Variants in AFF2 observed in about 807,000 individuals in gnomAD.
AFF2 encodes ALF transcription elongation factor 2.
A neutral mutation model predicts 76.9 loss-of-function variants in AFF2; 14 were observed. The observed-to-expected ratio is 0.18, with a 90% CI of 0.12 to 0.28. The LOEUF (loss-of-function observed/expected upper bound fraction) is 0.28, where lower values mean the gene tolerates loss of function less well. AFF2 is among the 10% of genes least tolerant of loss of function. AFF2 has a pLI of 1.00. For missense variants in AFF2, 868 were observed against 1,001.1 expected (o/e 0.87, Z 1.79); for synonymous variants, 398 against 366.7 (o/e 1.09, Z -0.98).
At chrX:148,921,945 C>T (rs1292894415) in intron 9 of AFF2, among the ~76,000 whole-genome samples, 1 of 111,718 alleles carries the variant, frequency 9.0e-6, no homozygotes, top group Non-Finnish European at 1.9e-5. Flanking sequence ...CTGGCAATTT[C>T]CTATTTTATG....
At chrX:148,581,170 C>A (rs1603248904) in intron 1 of AFF2, among the ~76,000 whole-genome samples, 1 of 83,894 alleles carries the variant, frequency 1.2e-5, no homozygotes, top group Non-Finnish European at 2.4e-5. Flanking sequence ...TACACACATA[C>A]ATATACGTAT....
intron 1 of AFF2, among the ~76,000 whole-genome samples, chrX:148,509,006 C>G (rs2052453892): frequency 9.0e-6 from 1 of 111,201 alleles, no homozygotes; most frequent in East Asian, 2.8e-4. Flanking sequence ...AGCCCTTGTA[C>G]CCTGGTTCAG....
At chrX:148,871,681 G>A (rs782107878) in intron 7 of AFF2, among the ~76,000 whole-genome samples, 101 of 111,504 alleles carry the variant, frequency 9.1e-4, no homozygotes, top group Middle Eastern at 4.6e-3. Flanking sequence ...TGCACAGACA[G>A]ATTCCTTCTT....
At chrX:148,825,545 T>C (rs1026801259) in intron 4 of AFF2, among the ~76,000 whole-genome samples, 12 of 109,748 alleles carry the variant, frequency 1.1e-4, no homozygotes, top group African/African-American at 3.9e-4. Context: ...TGTGATTTTC[T>C]TGAATATTAA....
chrX:148,964,729 T>A (rs187776528), intron 13 of AFF2, among the ~76,000 whole-genome samples: 2 of 112,275 alleles, frequency 1.8e-5, no homozygotes. Flanking sequence ...AATGTGAATG[T>A]ACTTAACATG....
intron 9 of AFF2, among the ~76,000 whole-genome samples, chrX:148,943,868 T>C (rs2071869364): frequency 1.8e-5 from 2 of 111,974 alleles, no homozygotes; most frequent in South Asian, 7.5e-4. Context: ...GAAGCTTACC[T>C]TCTAAATCAA....
intron 3 of AFF2, among the ~76,000 whole-genome samples, chrX:148,698,303 T>C (rs1603279698): frequency 8.9e-6 from 1 of 112,715 alleles, no homozygotes; most frequent in African/African-American, 3.2e-5. Flanking sequence ...TCCTATTGGG[T>C]CTTTGATCCA....
intron 8 of AFF2, among the ~76,000 whole-genome samples, chrX:148,888,328 C>T (rs1557279336): frequency 9.0e-6 from 1 of 111,690 alleles, no homozygotes; most frequent in Admixed American, 9.5e-5. Flanking sequence ...CTTGGTTGTT[C>T]GATGTCATGT....
chrX:148,763,039 C>T (rs2069470940), intron 3 of AFF2, among the ~76,000 whole-genome samples: 1 of 112,074 alleles, frequency 8.9e-6, no homozygotes, highest in African/African-American at 3.2e-5. Flanking sequence ...TGCTGAATTA[C>T]TGTATATTTT....
chrX:148,574,879 A>G (rs781919470), intron 1 of AFF2, among the ~76,000 whole-genome samples: 4 of 110,998 alleles, frequency 3.6e-5, no homozygotes, highest in Non-Finnish European at 5.7e-5. Flanking sequence ...GTCTGTAAGT[A>G]TAGTATCAGT....
At chrX:148,689,538 C>G (rs1211970346) in intron 3 of AFF2, among the ~76,000 whole-genome samples, 2 of 110,350 alleles carry the variant, frequency 1.8e-5, no homozygotes, top group Non-Finnish European at 3.8e-5. Flanking sequence ...CAGGACCACT[C>G]CTGGGCAATG....
intron 2 of AFF2, among the ~76,000 whole-genome samples, chrX:148,656,665 A>T (rs1346022165): frequency 2.9e-5 from 3 of 104,831 alleles, no homozygotes; most frequent in Non-Finnish European, 5.9e-5. Context: ...ACGCCCGGCT[A>T]ATTTTTTGTA....
intron 9 of AFF2, among the ~76,000 whole-genome samples, chrX:148,945,119 C>A (rs2071885432): frequency 9.0e-6 from 1 of 111,309 alleles, no homozygotes; most frequent in Non-Finnish European, 1.9e-5. Context: ...TGACCCTGAC[C>A]CTTGGCTTGG....
intron 1 of AFF2, among the ~76,000 whole-genome samples, chrX:148,574,136 A>C (rs1402404221): frequency 8.9e-6 from 1 of 111,752 alleles, no homozygotes; most frequent in Admixed American, 9.5e-5. Flanking sequence ...TTGCTCAGTA[A>C]GGATTTAATA....
chrX:148,737,548 C>T lies in AFF2; in HGVS notation c.1042-72328C>T, dbSNP rs192596766. On this transcript the variant is annotated intron_variant, in intron 3 of 20. Transcript: ENST00000370460. ...CCTTAGGGTTTTCAAAGTAAATGATCATATCATCAGCAAACAGTTGACAGT... is the reference window on the plus strand; with the variant it reads ...CCTTAGGGTTTTCAAAGTAAATGATTATATCATCAGCAAACAGTTGACAGT... 1.4e-3 allele frequency among the ~76,000 whole-genome samples: 156 copies of T among 111,347 alleles called. 1 individual carries two copies. The highest frequency in any genetic ancestry group is 4.9e-3 in the African/African-American group (151 of 30,621).
chrX:148,542,879 T>G (rs1252589121), intron 1 of AFF2, among the ~76,000 whole-genome samples: 1 of 112,292 alleles, frequency 8.9e-6, no homozygotes, highest in African/African-American at 3.2e-5. Context: ...CATCCCCGTC[T>G]TCATCACAAG....
intron 1 of AFF2, among the ~76,000 whole-genome samples, chrX:148,590,694 TAGAA>T (rs2053515065): frequency 8.9e-6 from 1 of 112,021 alleles, no homozygotes; most frequent in Non-Finnish European, 1.9e-5. Context: ...GAGGATAAGA[TAGAA>T]AGGAGCCCAG....
chrX:148,625,072 C>T (rs1191519696), intron 1 of AFF2, among the ~76,000 whole-genome samples: 1 of 110,596 alleles, frequency 9.0e-6, no homozygotes, highest in Non-Finnish European at 1.9e-5. Context: ...GTACCATTTC[C>T]TTGTGTCTAT....
intron 1 of AFF2, among the ~76,000 whole-genome samples, chrX:148,514,673 A>C (rs1557233581): frequency 8.9e-6 from 1 of 112,215 alleles, no homozygotes; most frequent in Non-Finnish European, 1.9e-5. Context: ...GCCTGATGTT[A>C]CTTCTAAATA....
Sources: gnomAD v4.1 joint callset for allele counts (sites outside exome capture counted in the v4.1 genomes callset) on GRCh38, gnomAD v4.1.1 for gene constraint, MANE v1.5 for transcripts, NCBI Gene and HGNC (gene_info 2026-07-23, HGNC 2026-07-21) for gene names.